RALGAPA1: variants seen among roughly 807,000 people sequenced by gnomAD.
RALGAPA1 encodes Ral GTPase activating protein catalytic subunit alpha 1, also known as ral GTPase-activating protein subunit alpha-1.
A neutral mutation model predicts 269.6 loss-of-function variants in RALGAPA1; 52 were observed. The ratio of observed to expected loss-of-function variants is 0.19; its 90% confidence interval spans 0.15 to 0.24. RALGAPA1 has a LOEUF of 0.24. Ranked by LOEUF, RALGAPA1 falls within the 10% of genes least tolerant of loss-of-function variation. The pLI, the probability that RALGAPA1 is intolerant of heterozygous loss-of-function variation, is 1.00. For missense variants in RALGAPA1, 1,917 were observed against 3,013.9 expected, an observed-to-expected ratio of 0.64 and a Z score of 8.52; for synonymous variants, 817 against 1,008.3, an observed-to-expected ratio of 0.81 and a Z score of 3.60.
chr14:35,738,694 G>A, intron 11 of RALGAPA1, 44 bp from the exon 12 acceptor site: 1 of 1,495,404 alleles, frequency 6.7e-7, no homozygotes, highest in Non-Finnish European at 9.2e-7. Flanking sequence ...TACTAAGAAT[G>A]CTGCAACTAG....
At chr14:35,694,504 TTG>T (rs2140509902) in intron 17 of RALGAPA1, among the ~76,000 whole-genome samples, 1 of 152,290 alleles carries the variant, frequency 6.6e-6, no homozygotes, top group Admixed American at 6.5e-5. Flanking sequence ...GATGTTCAAT[TTG>T]CAGGTAATTC....
intron 10 of RALGAPA1, among the ~76,000 whole-genome samples, chr14:35,744,452 C>A (rs1359602337): frequency 1.3e-5 from 2 of 151,430 alleles, no homozygotes; most frequent in African/African-American, 4.9e-5. Flanking sequence ...TTAAAAATCA[C>A]AAACCCTTTA....
At chr14:35,613,184 C>A (rs951140472) in intron 35 of RALGAPA1, among the ~76,000 whole-genome samples, 2 of 151,514 alleles carry the variant, frequency 1.3e-5, no homozygotes, top group Admixed American at 1.3e-4. Flanking sequence ...TGGGTTCAAG[C>A]GATTCTAGTG....
intron 14 of RALGAPA1, 29 bp downstream of exon 14, chr14:35,724,995 C>G (rs756733003): frequency 2.1e-5 from 32 of 1,551,868 alleles, no homozygotes; most frequent in Non-Finnish European, 2.6e-5. Flanking sequence ...ATCTATCCAG[C>G]TATTCATCTA....
chr14:35,554,088 AT>A (rs905688347), intron 39 of RALGAPA1, among the ~76,000 whole-genome samples: 1 of 152,140 alleles, frequency 6.6e-6, no homozygotes, highest in African/African-American at 2.4e-5. Context: ...TTTAAAAAAA[AT>A]TTTTGGTGAG....
At chr14:35,665,777 A>G (rs1487036055) in intron 26 of RALGAPA1, among the ~76,000 whole-genome samples, 2 of 152,222 alleles carry the variant, frequency 1.3e-5, no homozygotes, top group Non-Finnish European at 2.9e-5. Flanking sequence ...TATTTAATGA[A>G]AGAGATTAGC....
chr14:35,735,690 C>T (rs903560927), intron 12 of RALGAPA1, among the ~76,000 whole-genome samples: 1 of 151,742 alleles, frequency 6.6e-6, no homozygotes, highest in Admixed American at 6.6e-5. Context: ...CCACTGGTAC[C>T]CCAATAACCC....
At chr14:35,582,341 G>A (rs1205776765) in intron 37 of RALGAPA1, among the ~76,000 whole-genome samples, 2 of 152,186 alleles carry the variant, frequency 1.3e-5, no homozygotes, top group African/African-American at 4.8e-5. Context: ...AGTTTCTGGT[G>A]CAGCATATAA....
chr14:35,766,515 C>A, intron 4 of RALGAPA1: 1 of 1,206,718 alleles, frequency 8.3e-7, no homozygotes, highest in Non-Finnish European at 1.2e-6. Flanking sequence ...TGTCTGCTAC[C>A]ATCTATTGTG....
rs79924789 is a variant in RALGAPA1 at position 35,608,409 on chromosome 14, T to C, written c.6930-2700A>G. Among the ~76,000 whole-genome samples, 126 of 152,234 alleles carry C rather than the reference T, an allele frequency of 8.3e-4. 1 individual carries two copies. In the East Asian group the frequency reaches 0.02, roughly 24 times the overall value. On this transcript the variant is annotated intron_variant, in intron 35 of 41. Coordinates refer to ENST00000680220, the MANE Select transcript of RALGAPA1 (RefSeq NM_001346249.2). ...AGCATGGAGATCAGAGGCTAATTAC[T>C]GGGGGGAAACCAAGTTGTTAGAAAA...
At chr14:35,637,159 C>T (rs959194625) in intron 31 of RALGAPA1, among the ~76,000 whole-genome samples, 5 of 152,268 alleles carry the variant, frequency 3.3e-5, no homozygotes, top group Admixed American at 1.3e-4. Context: ...TCAATGCCCA[C>T]ACACCAATGA....
intron 1 of RALGAPA1, among the ~76,000 whole-genome samples, chr14:35,802,200 C>T (rs2077028011): frequency 6.6e-6 from 1 of 152,126 alleles, no homozygotes; most frequent in East Asian, 1.9e-4. Flanking sequence ...CCCAGCCACT[C>T]AGTAGGCTGA....
chr14:35,690,082 AG>A, intron 17 of RALGAPA1, 79 bp from the exon 18 acceptor site: 3 of 1,044,022 alleles, frequency 2.9e-6, no homozygotes, highest in Non-Finnish European at 4.0e-6. Context: ...AATGCTCTAA[AG>A]CATATGCTTT....
At chr14:35,668,807 C>CAAAA (rs1256412437) in intron 26 of RALGAPA1, among the ~76,000 whole-genome samples, 1 of 151,798 alleles carries the variant, frequency 6.6e-6, no homozygotes, top group African/African-American at 2.4e-5. Flanking sequence ...CCTGATATCT[C>CAAAA]AAAAACAAAA....
chr14:35,553,977 CTT>C (rs2055283437), intron 39 of RALGAPA1, among the ~76,000 whole-genome samples: 2 of 152,258 alleles, frequency 1.3e-5, no homozygotes, highest in Admixed American at 6.5e-5. Context: ...AGTTTCAGCA[CTT>C]AGGAATTTTA....
At chr14:35,702,689 C>T (rs1415718171) in intron 16 of RALGAPA1, among the ~76,000 whole-genome samples, 4 of 149,176 alleles carry the variant, frequency 2.7e-5, no homozygotes, top group Non-Finnish European at 4.4e-5. Flanking sequence ...GGTGAAACAT[C>T]ATCTATAGTT....
chr14:35,672,760 G>A, intron 25 of RALGAPA1, 107 bp downstream of exon 25: 2 of 1,039,118 alleles, frequency 1.9e-6, no homozygotes, highest in South Asian at 2.2e-5. Context: ...TAAATAAGGG[G>A]GAGAGTTTAA....
chr14:35,689,520 G>T lies in RALGAPA1; in HGVS notation c.2891C>A (p.Ala964Asp). Reference sequence around the variant, plus strand: ...TACTGCAATAGTCACTTCCTGAGAAGCTGGGTCTTTCCCTGTCTCATTTTT... The same window carrying T: ...TACTGCAATAGTCACTTCCTGAGAATCTGGGTCTTTCCCTGTCTCATTTTT... ...HSKNETGKDP[A>D]SQEVTIAVNR... The change falls in exon 18 of 42, where the codon GCT becomes GAT. Residue 964 changes from alanine to aspartate, a missense_variant. Ala to Asp is a moderately radical substitution (Grantham distance 126, BLOSUM62 -2). Coordinates refer to ENST00000680220, the MANE Select transcript of RALGAPA1 (RefSeq NM_001346249.2). 1 of 1,239,594 alleles carries T rather than the reference G, an allele frequency of 8.1e-7. No individual in the cohort carries two copies. The highest frequency in any genetic ancestry group is 3.1e-4 in the Middle Eastern group (1 of 3,228). 76.8% of individuals were successfully genotyped at this position (1,239,594 alleles called of 1,614,324 possible).
intron 39 of RALGAPA1, among the ~76,000 whole-genome samples, chr14:35,561,481 G>A (rs1421468230): frequency 7.5e-6 from 1 of 133,204 alleles, no homozygotes; most frequent in South Asian, 2.6e-4. Flanking sequence ...TTCTTTAATT[G>A]TAATGCCATG....
Sources: gnomAD v4.1 joint callset for allele counts (sites outside exome capture counted in the v4.1 genomes callset) on GRCh38, gnomAD v4.1.1 for gene constraint, MANE v1.5 for transcripts, NCBI Gene and HGNC (gene_info 2026-07-23, HGNC 2026-07-21) for gene names.